PLCB1: variants seen among roughly 807,000 people sequenced by gnomAD.
The protein encoded by PLCB1 is 1-phosphatidylinositol 4,5-bisphosphate phosphodiesterase beta-1.
In PLCB1, 46 loss-of-function variants were observed where a neutral mutation model predicts 161.8. That is an observed-to-expected ratio of 0.28 (90% CI 0.22 to 0.36). The LOEUF is 0.36. Among genes scored for constraint, PLCB1 ranks in the 10% least tolerant of loss-of-function variants. The pLI is 1.00. For synonymous variants in PLCB1, 517 were observed against 503.7 expected (o/e 1.03, Z -0.35); for missense variants, 1,016 against 1,472.5 (o/e 0.69, Z 5.07).
chr20:8,324,160 C>T (rs1985041197), intron 2 of PLCB1, among the ~76,000 whole-genome samples: 1 of 151,468 alleles, frequency 6.6e-6, no homozygotes, highest in Non-Finnish European at 1.5e-5. Flanking sequence ...AAATTATGAA[C>T]AGAACTTAGT....
rs886882995 is a variant in PLCB1, at chr20:8,514,942, C to T, written c.247-113352C>T. Among the ~76,000 whole-genome samples, 17 of 152,210 alleles carry T rather than the reference C, an allele frequency of 1.1e-4. 1 individual carries two copies. Among genetic ancestry groups the T allele is most frequent in the Non-Finnish European group, 1.0e-4 (7 of 68,000 alleles). On this transcript the variant is annotated intron_variant, in intron 3 of 31. Transcript: ENST00000338037. ...GGGGTTAGGCTAAGATTCTGAGTTT[C>T]CAATAAGTACCCAGGTGATAGTAAT...
chr20:8,821,507 AT>A (rs1985400376), intron 31 of PLCB1, among the ~76,000 whole-genome samples: 1 of 7,548 alleles, frequency 1.3e-4, no homozygotes, highest in African/African-American at 8.0e-4. Flanking sequence ...ATATGTATAT[AT>A]ATATATATAT....
intron 2 of PLCB1, among the ~76,000 whole-genome samples, chr20:8,230,956 G>T (rs73607856): frequency 0.032 from 4,853 of 152,116 alleles, 268 homozygotes; most frequent in African/African-American, 0.11. Flanking sequence ...ACGTAATTTA[G>T]TTCCTATGCA....
chr20:8,737,229 T>A, intron 20 of PLCB1, 37 bp downstream of exon 20: 1 of 1,524,140 alleles, frequency 6.6e-7, no homozygotes. Context: ...TATAACTGCA[T>A]TTTTCAGGTG....
chr20:8,880,110 A>T (rs996283592), intron 31 of PLCB1, among the ~76,000 whole-genome samples: 2 of 152,114 alleles, frequency 1.3e-5, no homozygotes, highest in African/African-American at 4.8e-5. Context: ...CAGGGGGAAA[A>T]ATACAGGTTT....
intron 6 of PLCB1, 103 bp from the exon 7 acceptor site, chr20:8,649,271 A>C: frequency 1.4e-6 from 1 of 710,798 alleles, no homozygotes; most frequent in Non-Finnish European, 2.5e-6. Flanking sequence ...TATGAATAAT[A>C]AATAGATTTG....
chr20:8,641,184 T>A (rs1241840834), intron 4 of PLCB1, among the ~76,000 whole-genome samples: 1 of 152,240 alleles, frequency 6.6e-6, no homozygotes, highest in Admixed American at 6.5e-5. Flanking sequence ...GAGAGCTTGC[T>A]AGTCCCATGT....
chr20:8,824,376 A>G (rs1416143064), intron 31 of PLCB1, among the ~76,000 whole-genome samples: 1 of 150,908 alleles, frequency 6.6e-6, no homozygotes, highest in African/African-American at 2.4e-5. Context: ...ATATTAAAGG[A>G]CAGGTTTAAA....
chr20:8,667,144 G>A (rs981339894), intron 9 of PLCB1, among the ~76,000 whole-genome samples: 3 of 152,074 alleles, frequency 2.0e-5, no homozygotes, highest in Non-Finnish European at 4.4e-5. Context: ...TCTCCCAAAA[G>A]ACAAAAACAG....
chr20:8,781,129 A>C (rs1182084431), intron 27 of PLCB1, among the ~76,000 whole-genome samples: 1 of 152,132 alleles, frequency 6.6e-6, no homozygotes, highest in Admixed American at 6.5e-5. Flanking sequence ...TAGGTGATGT[A>C]TATGTGCCAG....
intron 2 of PLCB1, among the ~76,000 whole-genome samples, chr20:8,276,930 T>TTCTTCC (rs1368024329): frequency 0.012 from 239 of 20,456 alleles, 3 homozygotes; most frequent in African/African-American, 0.026. Flanking sequence ...TCTTCTTTTC[T>TTCTTCC]TCTTCTTCTT....
At chr20:8,411,268 C>A (rs575898194) in intron 3 of PLCB1, among the ~76,000 whole-genome samples, 1 of 152,066 alleles carries the variant, frequency 6.6e-6, no homozygotes, top group African/African-American at 2.4e-5. Flanking sequence ...TCATGAATAC[C>A]TTTGCATGTT....
chr20:8,440,981 C>T (rs1980534836), intron 3 of PLCB1, among the ~76,000 whole-genome samples: 1 of 151,974 alleles, frequency 6.6e-6, no homozygotes, highest in South Asian at 2.1e-4. Context: ...TTAACCCAGC[C>T]TCACCATTTT....
intron 1 of PLCB1, among the ~76,000 whole-genome samples, chr20:8,149,618 C>G (rs867239604): frequency 2.0e-5 from 3 of 152,076 alleles, no homozygotes; most frequent in Admixed American, 6.5e-5. Context: ...CATGTATTTT[C>G]TTGTGCAGAT....
At chr20:8,804,408 G>A (rs1003523614) in intron 31 of PLCB1, among the ~76,000 whole-genome samples, 5 of 126,282 alleles carry the variant, frequency 4.0e-5, no homozygotes, top group African/African-American at 1.5e-4. Flanking sequence ...TAATCATATT[G>A]TTAGTTTGTT....
rs886056963 is a variant in PLCB1, at chr20:8,724,742, A to G, written c.1668A>G (p.Glu556=). 1.1e-5 allele frequency: 18 copies of G among 1,598,916 alleles called. No homozygotes were observed. Among genetic ancestry groups the G allele is most frequent in the Non-Finnish European group, 1.5e-5 (17 of 1,167,208 alleles). The change falls in exon 16 of 32, where the codon GAA becomes GAG. Residue 556 remains glutamate (E), a synonymous_variant. Transcript: ENST00000338037. ...YIQPVKFESF[E]ISKKRNKSFE... The stretch of plus-strand genomic sequence containing the variant: ...AGCCAGTCAAGTTTGAGTCATTTGA[A>G]ATTTCAAAAAGTAAGTTTTCCCTGG...
At chr20:8,177,966 C>T (rs1365851431) in intron 2 of PLCB1, among the ~76,000 whole-genome samples, 4 of 145,770 alleles carry the variant, frequency 2.7e-5, no homozygotes, top group Non-Finnish European at 4.6e-5. Flanking sequence ...TCTGTTCCTG[C>T]GTTAGTTCAC....
intron 3 of PLCB1, among the ~76,000 whole-genome samples, chr20:8,518,997 G>A (rs565901722): frequency 6.6e-6 from 1 of 152,212 alleles, no homozygotes; most frequent in South Asian, 2.1e-4. Flanking sequence ...ACAGGAGGCA[G>A]AGCTCAGGTG....
chr20:8,402,019 C>T (rs1323080967), intron 3 of PLCB1, among the ~76,000 whole-genome samples: 1 of 152,154 alleles, frequency 6.6e-6, no homozygotes, highest in African/African-American at 2.4e-5. Flanking sequence ...CTTGGTTATA[C>T]ACTGAAAGCT....
Sources: gnomAD v4.1 joint callset for allele counts (sites outside exome capture counted in the v4.1 genomes callset) on GRCh38, gnomAD v4.1.1 for gene constraint, MANE v1.5 for transcripts, NCBI Gene and HGNC (gene_info 2026-07-23, HGNC 2026-07-21) for gene names.